The following OGFOD3 variants were observed in gnomAD, a reference collection of about 807,000 sequenced individuals.
OGFOD3 encodes 2-oxoglutarate and iron dependent oxygenase domain containing 3.
A neutral mutation model predicts 39.8 loss-of-function variants in OGFOD3; 35 were observed. That is an observed-to-expected ratio of 0.88 (90% CI 0.67 to 1.17). The LOEUF (loss-of-function observed/expected upper bound fraction) is 1.17. Among genes scored for constraint, OGFOD3 ranks in the 50% most tolerant of loss-of-function variants. The pLI, the probability that OGFOD3 is intolerant of heterozygous loss-of-function variation, is 0.00. For synonymous variants in OGFOD3, 200 were observed against 192.0 expected, an observed-to-expected ratio of 1.04 and a Z score of -0.34; for missense variants, 438 against 454.5, an observed-to-expected ratio of 0.96 and a Z score of 0.33.
At chr17:82,412,101 C>T (rs1215092097) in intron 2 of OGFOD3, among the ~76,000 whole-genome samples, 1 of 71,950 alleles carries the variant, frequency 1.4e-5, no homozygotes, top group African/African-American at 4.2e-5. Flanking sequence ...CCTCCTGAGA[C>T]CACTGGAGCA....
intron 1 of OGFOD3, among the ~76,000 whole-genome samples, chr17:82,416,842 T>C (rs2053055916): frequency 6.6e-6 from 1 of 151,970 alleles, no homozygotes. Flanking sequence ...AGCTATTTTT[T>C]TGTATTTTTA....
At position 82,413,075 on chromosome 17, in the gene OGFOD3, A is replaced by C. The variant is rs188144681; in HGVS notation, c.305-1545T>G. Among the ~76,000 whole-genome samples, 11 of 152,382 alleles carry C rather than the reference A, an allele frequency of 7.2e-5. No individual in the cohort carries two copies. The East Asian group carries it at 2.1e-3, about 29-fold the overall frequency. On this transcript the variant is annotated intron_variant, in intron 2 of 8. Coordinates refer to ENST00000313056, the MANE Select transcript of OGFOD3 (RefSeq NM_024648.3). ...ATATCAGGGAAGGGGGGCTGTAGTT[A>C]CTGTGGTTAAATGATCTAATGGACA...
In OGFOD3 at chr17:82,406,444, G is replaced by A. The variant is rs778997319; in HGVS notation, c.462C>T (p.Val154=). 102 of 1,614,036 alleles carry A rather than the reference G, an allele frequency of 6.3e-5. No homozygotes were observed. Among genetic ancestry groups the A allele is most frequent in the Admixed American group, 2.7e-4 (16 of 59,996 alleles). ...TGTACAGGTTCACAAAGTGCTTCCC[G>A]ACAGACAGGGCCCCTGAGTGCAAGT... ...ILDLHSGALS[V]GKHFVNLYRY... Residue 154 remains valine, a synonymous_variant, in exon 5 of 9, where the codon GTC becomes GTT. Transcript: ENST00000313056. This position sits in a 1 kb window ranked among gnomAD's most constrained non-coding sequence, Gnocchi z 5.2.
rs113205643 is a variant in OGFOD3, at chr17:82,404,194, C to A, written c.546-104G>T. The A allele has an allele frequency of 4.7e-5, 62 of 1,313,724 alleles. No homozygotes were observed. The South Asian group carries it at 5.2e-4, about 11-fold the overall frequency. The allele number at this position is 1,313,724 out of a possible 1,614,324, so 81.4% of individuals were successfully genotyped here. A position where few individuals can be genotyped will look rare whatever the true frequency, so the allele number is the denominator to read the frequency against. Reference sequence around the variant, plus strand: ...AAAGGAACCAGCCTTCGTACGGCTCCGGGCCCGCGGGGCGGGGGCTCCCAA... The same window carrying A: ...AAAGGAACCAGCCTTCGTACGGCTCAGGGCCCGCGGGGCGGGGGCTCCCAA... On this transcript the variant is annotated intron_variant, in intron 6 of 8. Transcript: ENST00000313056. This position sits in a 1 kb window ranked among gnomAD's most constrained non-coding sequence, Gnocchi z 4.5.
Position 82,415,718 on chromosome 17 carries a change from G to T in OGFOD3, c.75-91C>A. The T allele has an allele frequency of 8.6e-7, 1 of 1,161,994 alleles. No homozygotes were observed. Among genetic ancestry groups the T allele is most frequent in the Non-Finnish European group, 1.2e-6 (1 of 832,202 alleles). The allele number at this position is 1,161,994 out of a possible 1,614,324, so 72.0% of individuals were successfully genotyped here. ...CATCAAAGTGCATGCACCATGACCC[G>T]GCCTTCACTCACACGTCACCCCTGA... On this transcript the variant is annotated intron_variant, in intron 1 of 8. Transcript: ENST00000313056. This position sits in a 1 kb window ranked among gnomAD's most constrained non-coding sequence, Gnocchi z 5.3.
rs2052606888 is a variant in OGFOD3 at position 82,392,320 on chromosome 17, G to A, written c.*78C>T. On this transcript the variant is annotated 3_prime_UTR_variant, in exon 9 of 9. Coordinates refer to ENST00000313056, the MANE Select transcript of OGFOD3 (RefSeq NM_024648.3). The surrounding 1 kb of genome is among the most constrained non-coding windows in gnomAD (Gnocchi z 4.2). ...GGCACTCTGTGCAACAGGAGCGGGTGGACGTGGGGGTGGGTGCACGACTGG... is the reference window on the plus strand; with the variant it reads ...GGCACTCTGTGCAACAGGAGCGGGTAGACGTGGGGGTGGGTGCACGACTGG... 1.3e-6 allele frequency: 2 copies of A among 1,484,810 alleles called. No individual in the cohort carries two copies. The highest frequency in any genetic ancestry group is 1.4e-5 in the African/African-American group (1 of 72,158). The allele number at this position is 1,484,810 out of a possible 1,614,324, so 92.0% of individuals were successfully genotyped here.
rs745347841 is a variant in OGFOD3, at chr17:82,405,347, T to C, written c.522A>G (p.Ser174=). Residue 174 remains serine (S), a synonymous_variant, in exon 6 of 9, where the codon TCA becomes TCG. Coordinates refer to ENST00000313056, the MANE Select transcript of OGFOD3 (RefSeq NM_024648.3). ...YFGDKIQNIF[S]EEDFRLYREV... ...ACCGGTATAACCGGAAGTCCTCCTC[T>C]GAGAAGATGTTCTGTATTTTATCCC... 1.9e-6 allele frequency: 3 copies of C among 1,614,040 alleles called. No homozygotes were observed. Among genetic ancestry groups the C allele is most frequent in the Middle Eastern group, 3.3e-4 (2 of 6,062 alleles).
rs79956747 is a variant in OGFOD3, at chr17:82,401,803, C to CAAAAAAAAAAAAAAAAAAAAAAAAA, written c.699+2133_699+2134insTTTTTTTTTTTTTTTTTTTTTTTTT. On this transcript the variant is annotated intron_variant, in intron 7 of 8. Coordinates refer to ENST00000313056, the MANE Select transcript of OGFOD3 (RefSeq NM_024648.3). ...TGGGTGGCAGAGCAAGACTCCATCT[C>CAAAAAAAAAAAAAAAAAAAAAAAAA]AAAAAAAAAAAAAAAAAAAACAAAG... is the stretch of plus-strand genomic sequence containing the variant. Among the ~76,000 whole-genome samples the CAAAAAAAAAAAAAAAAAAAAAAAAA allele has an allele frequency of 3.5e-3, 218 of 61,636 alleles. 2 individuals carry two copies. Among genetic ancestry groups the CAAAAAAAAAAAAAAAAAAAAAAAAA allele is most frequent in the Middle Eastern group, 7.9e-3 (1 of 126 alleles). 40.4% of individuals were successfully genotyped at this position (61,636 alleles called of 152,430 possible).
At position 82,406,843 on chromosome 17, in the gene OGFOD3, C is replaced by T. The variant is rs1221622740; in HGVS notation, c.424-361G>A. 6.6e-6 allele frequency among the ~76,000 whole-genome samples: 1 copy of T among 152,108 alleles called. No individual in the cohort carries two copies. The highest frequency in any genetic ancestry group is 1.5e-5 in the Non-Finnish European group (1 of 68,024). ...TCTCGAACTCCGGGGCTCAAGTGAT[C>T]CTCCCACCTCAGCCTCCCAAAGTAC... On this transcript the variant is annotated intron_variant, in intron 4 of 8. Coordinates refer to ENST00000313056, the MANE Select transcript of OGFOD3 (RefSeq NM_024648.3). This position sits in a 1 kb window ranked among gnomAD's most constrained non-coding sequence, Gnocchi z 5.2.
At chr17:82,394,385 T>C (rs1567864496) in intron 8 of OGFOD3, 2 of 1,601,562 alleles carry the variant, frequency 1.2e-6, no homozygotes, top group East Asian at 2.2e-5. Flanking sequence ...CAATAAGCAA[T>C]GCTCTCAGCT....
Position 82,391,975 on chromosome 17 carries a change from G to A in OGFOD3, c.*423C>T, listed in dbSNP as rs908274936. The A allele has an allele frequency of 2.5e-4, 43 of 174,990 alleles. No homozygotes were observed. Among genetic ancestry groups the A allele is most frequent in the African/African-American group, 9.6e-4 (40 of 41,458 alleles). 10.8% of individuals were successfully genotyped at this position (174,990 alleles called of 1,614,324 possible). On this transcript the variant is annotated 3_prime_UTR_variant, in exon 9 of 9. Transcript: ENST00000313056. This position sits in a 1 kb window ranked among gnomAD's most constrained non-coding sequence, Gnocchi z 5.1. Reference sequence around the variant, plus strand: ...AAAGCTGCTGCGGTTTGCTGATGCCGAGACCCCGAACAGAAGCTGCTGGCC... The same window carrying A: ...AAAGCTGCTGCGGTTTGCTGATGCCAAGACCCCGAACAGAAGCTGCTGGCC...
chr17:82,399,259 T>A (rs1333068423), intron 7 of OGFOD3, among the ~76,000 whole-genome samples: 1 of 152,208 alleles, frequency 6.6e-6, no homozygotes, highest in African/African-American at 2.4e-5. Context: ...TGCCCAGGAT[T>A]TCCTGTAAGC....
chr17:82,391,047 T>G lies in OGFOD3; in HGVS notation c.*1351A>C. ...TGCCAGGGGCTAGGGAACATGGATCTATGCCAGACAGGCTAAGGGAGGAGG... is the reference window on the plus strand; with the variant it reads ...TGCCAGGGGCTAGGGAACATGGATCGATGCCAGACAGGCTAAGGGAGGAGG... On this transcript the variant is annotated 3_prime_UTR_variant, in exon 9 of 9. Transcript: ENST00000313056. This position sits in a 1 kb window ranked among gnomAD's most constrained non-coding sequence, Gnocchi z 5.1. 6.1e-6 allele frequency: 1 copy of G among 164,260 alleles called. No homozygotes were observed. 10.2% of individuals were successfully genotyped at this position (164,260 alleles called of 1,614,324 possible).
In OGFOD3 at chr17:82,406,298, G is replaced by T; in HGVS notation, c.488+120C>A. On this transcript the variant is annotated intron_variant, in intron 5 of 8. Transcript: ENST00000313056. The surrounding 1 kb of genome is among the most constrained non-coding windows in gnomAD (Gnocchi z 5.2). The stretch of plus-strand genomic sequence containing the variant: ...AACATCACAGCCACTGAGGCCCTGA[G>T]GCTGCACCGAGCCGGATCCTCCCTC... 1 of 891,892 alleles carries T rather than the reference G, an allele frequency of 1.1e-6. No homozygotes were observed. Among genetic ancestry groups the T allele is most frequent in the Non-Finnish European group, 1.8e-6 (1 of 551,218 alleles). 55.2% of individuals were successfully genotyped at this position (891,892 alleles called of 1,614,324 possible).
intron 7 of OGFOD3, among the ~76,000 whole-genome samples, chr17:82,401,867 G>A (rs952970315): frequency 2.7e-5 from 4 of 148,832 alleles, no homozygotes; most frequent in African/African-American, 5.0e-5. Flanking sequence ...AATGTCACAC[G>A]GCACAGAAAG....
chr17:82,399,338 C>T (rs907664168), intron 7 of OGFOD3, among the ~76,000 whole-genome samples: 1 of 152,214 alleles, frequency 6.6e-6, no homozygotes, highest in African/African-American at 2.4e-5. Flanking sequence ...GGTGTGCATG[C>T]TGGGATGGTC....
intron 2 of OGFOD3, among the ~76,000 whole-genome samples, chr17:82,413,404 G>A (rs563299586): frequency 1.3e-5 from 2 of 152,296 alleles, no homozygotes; most frequent in Non-Finnish European, 2.9e-5. Flanking sequence ...AGGTTCTGAC[G>A]CCCCTTTCCA....
At chr17:82,417,445 C>T (rs966295193) in intron 1 of OGFOD3, 3 of 151,858 alleles carry the variant, frequency 2.0e-5, no homozygotes, top group Non-Finnish European at 2.9e-5. Flanking sequence ...ATGGTGAAAC[C>T]CCATCTCTAC....
At chr17:82,409,809 C>G (rs938315244) in intron 3 of OGFOD3, among the ~76,000 whole-genome samples, 48 of 152,104 alleles carry the variant, frequency 3.2e-4, no homozygotes, top group Non-Finnish European at 6.8e-4. Context: ...CCAGGAGAAT[C>G]GCTTGAACCC....
Sources: gnomAD v4.1 joint callset for allele counts (sites outside exome capture counted in the v4.1 genomes callset) on GRCh38, gnomAD v4.1.1 for gene constraint, Gnocchi (gnomAD v3.1) non-coding constraint, MANE v1.5 for transcripts, NCBI Gene and HGNC (gene_info 2026-07-23, HGNC 2026-07-21) for gene names.